The following UMAD1 variants were observed in gnomAD, a reference collection of about 807,000 sequenced individuals.
The protein encoded by UMAD1 is UBAP1-MVB12-associated (UMA)-domain containing protein 1.
In UMAD1, 8 loss-of-function variants were observed where a neutral mutation model predicts 6.1. The observed-to-expected ratio is 1.30, with a 90% CI of 0.76 to 2.35. The LOEUF is 2.35. Among genes scored for constraint, UMAD1 ranks in the 30% most tolerant of loss-of-function variants. The pLI is 0.00. For missense variants in UMAD1, 130 were observed against 78.4 expected (o/e 1.66, Z -2.49); for synonymous variants, 56 against 31.4 (o/e 1.78, Z -2.61).
chr7:7,868,817 C>G (rs1282951602), intron 3 of UMAD1, among the ~76,000 whole-genome samples: 1 of 152,132 alleles, frequency 6.6e-6, no homozygotes, highest in Non-Finnish European at 1.5e-5. Context: ...ACAACATATC[C>G]TGGGTTTTTA....
At chr7:7,786,075 G>A (rs182124068) in intron 2 of UMAD1, among the ~76,000 whole-genome samples, 139 of 152,230 alleles carry the variant, frequency 9.1e-4, no homozygotes, top group African/African-American at 3.1e-3. Flanking sequence ...ACAATATGAT[G>A]TCTCATTACT....
chr7:7,764,992 T>C (rs1432261876), intron 2 of UMAD1, among the ~76,000 whole-genome samples: 1 of 151,038 alleles, frequency 6.6e-6, no homozygotes. Flanking sequence ...TGCTCTATTC[T>C]TAATATCATT....
chr7:7,779,204 G>T lies in UMAD1; in HGVS notation c.83-22466G>T, dbSNP rs201852135. Among the ~76,000 whole-genome samples the T allele has an allele frequency of 8.5e-5, 13 of 152,194 alleles. No individual in the cohort carries two copies. The East Asian group carries it at 2.5e-3, about 29-fold the overall frequency. Reference sequence around the variant, plus strand: ...TTATCCTCTGGCTCAAATTTTTAAAGAATTAACCTAATCCAGATAATAGGA... The same window carrying T: ...TTATCCTCTGGCTCAAATTTTTAAATAATTAACCTAATCCAGATAATAGGA... On this transcript the variant is annotated intron_variant, in intron 2 of 3. Transcript: ENST00000682710.
chr7:7,742,020 A>G (rs1781479172), intron 2 of UMAD1: 2 of 385,362 alleles, frequency 5.2e-6, no homozygotes, highest in Non-Finnish European at 9.9e-6. Context: ...TTAAATGAAT[A>G]CTGATGTGAG....
chr7:7,703,249 A>C (rs1275560034), intron 2 of UMAD1, among the ~76,000 whole-genome samples: 1 of 152,224 alleles, frequency 6.6e-6, no homozygotes. Context: ...GCTTACAGTG[A>C]GGCTTCTATA....
intron 1 of UMAD1, among the ~76,000 whole-genome samples, chr7:7,643,437 G>A (rs1360249708): frequency 6.6e-6 from 1 of 152,208 alleles, no homozygotes; most frequent in South Asian, 2.1e-4. Flanking sequence ...AGGGCCGGGC[G>A]CGGTGGCTCA....
chr7:7,728,833 A>G (rs1435388815), intron 2 of UMAD1, among the ~76,000 whole-genome samples: 1 of 152,144 alleles, frequency 6.6e-6, no homozygotes, highest in African/African-American at 2.4e-5. Flanking sequence ...TCATTTATTC[A>G]ACAATATTTA....
intron 2 of UMAD1, among the ~76,000 whole-genome samples, chr7:7,753,109 T>A (rs1459659250): frequency 6.6e-6 from 1 of 152,208 alleles, no homozygotes; most frequent in Non-Finnish European, 1.5e-5. Context: ...TTTTTTAAAA[T>A]TGTTGTCACA....
chr7:7,683,618 TTCTTTTCCTTTTC>T (rs1285190989), intron 2 of UMAD1, among the ~76,000 whole-genome samples: 2 of 152,186 alleles, frequency 1.3e-5, no homozygotes, highest in East Asian at 3.9e-4. Context: ...GAAATTTGTT[TTCTTTTCCTTTTC>T]TTTTTTTTAG....
intron 2 of UMAD1, among the ~76,000 whole-genome samples, chr7:7,685,436 A>T (rs1780022027): frequency 6.6e-6 from 1 of 151,708 alleles, no homozygotes; most frequent in South Asian, 2.1e-4. Context: ...CAGCCTTCCG[A>T]GTAGCTGGGA....
chr7:7,831,210 A>G (rs10244745), intron 3 of UMAD1, among the ~76,000 whole-genome samples: 20,736 of 152,140 alleles, frequency 0.14, 1,591 homozygotes, highest in South Asian at 0.24. Context: ...TCTAACCCAT[A>G]TTTTTGTGTT....
At chr7:7,846,634 C>T (rs1363320868) in intron 3 of UMAD1, among the ~76,000 whole-genome samples, 2 of 151,878 alleles carry the variant, frequency 1.3e-5, no homozygotes, top group Admixed American at 6.6e-5. Context: ...ATTCCAAATA[C>T]TGCTATTATA....
At chr7:7,648,295 G>A (rs553924870) in intron 1 of UMAD1, among the ~76,000 whole-genome samples, 17 of 151,690 alleles carry the variant, frequency 1.1e-4, no homozygotes, top group African/African-American at 3.2e-4. Context: ...AGTTTTCTCC[G>A]CTTAAGTTTT....
intron 2 of UMAD1, among the ~76,000 whole-genome samples, chr7:7,724,168 C>A (rs908771892): frequency 2.0e-5 from 3 of 152,150 alleles, no homozygotes; most frequent in Admixed American, 2.0e-4. Context: ...CTGATAATGT[C>A]ATTTCAGATA....
chr7:7,855,289 C>T (rs1336283918), intron 3 of UMAD1, among the ~76,000 whole-genome samples: 3 of 152,264 alleles, frequency 2.0e-5, no homozygotes, highest in African/African-American at 7.2e-5. Context: ...TCCAACCCCA[C>T]ATTTCCCTTC....
intron 3 of UMAD1, among the ~76,000 whole-genome samples, chr7:7,849,198 A>G (rs1783867476): frequency 6.6e-6 from 1 of 152,154 alleles, no homozygotes; most frequent in Non-Finnish European, 1.5e-5. Context: ...CATCTTACAA[A>G]TAGATTCACT....
intron 2 of UMAD1, among the ~76,000 whole-genome samples, chr7:7,783,100 T>A (rs1445379948): frequency 1.3e-5 from 2 of 152,166 alleles, no homozygotes; most frequent in Non-Finnish European, 2.9e-5. Flanking sequence ...TTAACTGTCT[T>A]CTTTTGAGAT....
intron 3 of UMAD1, among the ~76,000 whole-genome samples, chr7:7,849,211 T>C (rs768933840): frequency 1.3e-5 from 2 of 152,170 alleles, no homozygotes; most frequent in Non-Finnish European, 2.9e-5. Context: ...GATTCACTTA[T>C]TCCCATTTTG....
chr7:7,664,652 C>T (rs1163350644), intron 1 of UMAD1, among the ~76,000 whole-genome samples: 2 of 152,216 alleles, frequency 1.3e-5, no homozygotes, highest in Admixed American at 6.5e-5. Context: ...TGTTTATACA[C>T]ATCAGATGAA....
Sources: gnomAD v4.1 joint callset for allele counts (sites outside exome capture counted in the v4.1 genomes callset) on GRCh38, gnomAD v4.1.1 for gene constraint, MANE v1.5 for transcripts, NCBI Gene and HGNC (gene_info 2026-07-23, HGNC 2026-07-21) for gene names.